The following ZNF420 variants were observed in gnomAD, a reference collection of about 807,000 sequenced individuals.
The protein encoded by ZNF420 is zinc finger protein 420.
ZNF420 carries 31 observed loss-of-function variants against 44.7 expected under a neutral mutation model. The ratio of observed to expected loss-of-function variants is 0.69; its 90% CI spans 0.52 to 0.94. The LOEUF (loss-of-function observed/expected upper bound fraction) is 0.94. Among genes scored for constraint, ZNF420 ranks in the 40% least tolerant of loss-of-function variants. The pLI, the probability that ZNF420 is intolerant of heterozygous loss-of-function variation, is 0.00. For missense variants in ZNF420, 681 were observed against 827.9 expected, an observed-to-expected ratio of 0.82 and a Z score of 2.18; for synonymous variants, 245 against 267.4, an observed-to-expected ratio of 0.92 and a Z score of 0.82.
At chr19:37,109,058 C>T (rs1970245489) in intron 4 of ZNF420, among the ~76,000 whole-genome samples, 2 of 152,174 alleles carry the variant, frequency 1.3e-5, no homozygotes, top group South Asian at 4.1e-4. Context: ...TGACATTCCG[C>T]TTACCATGTG....
At chr19:37,119,905 T>C (rs1970927869) in intron 4 of ZNF420, among the ~76,000 whole-genome samples, 1 of 152,034 alleles carries the variant, frequency 6.6e-6, no homozygotes, top group East Asian at 1.9e-4. Context: ...ACATACACCC[T>C]CCCAAGACTA....
chr19:37,063,165 T>C (rs1184064156), intron 1 of ZNF420, among the ~76,000 whole-genome samples: 2 of 152,228 alleles, frequency 1.3e-5, no homozygotes, highest in Non-Finnish European at 2.9e-5. Flanking sequence ...TTCTTGTTAC[T>C]GAACCATTTG....
chr19:37,026,050 C>T (rs1039956772), intron 1 of ZNF420, among the ~76,000 whole-genome samples: 17 of 152,098 alleles, frequency 1.1e-4, no homozygotes, highest in Non-Finnish European at 2.2e-4. Context: ...TGTAGTGGCT[C>T]ATGCCTGTAA....
At chr19:37,093,873 CACAG>C (rs1969293691) in intron 4 of ZNF420, among the ~76,000 whole-genome samples, 1 of 152,002 alleles carries the variant, frequency 6.6e-6, no homozygotes, top group African/African-American at 2.4e-5. Flanking sequence ...TGCTAATGAA[CACAG>C]ACAGCATTTC....
At chr19:37,107,495 A>G (rs1383700266) in intron 4 of ZNF420, 3 of 152,364 alleles carry the variant, frequency 2.0e-5, no homozygotes, top group African/African-American at 7.2e-5. Flanking sequence ...TTACAGATTA[A>G]CAGCATCTCA....
intron 1 of ZNF420, among the ~76,000 whole-genome samples, chr19:37,047,352 T>C (rs1044105809): frequency 3.3e-5 from 5 of 152,216 alleles, no homozygotes; most frequent in African/African-American, 9.6e-5. Context: ...CCTTCCTCCT[T>C]CTGCCATGTG....
At chr19:37,099,718 G>A (rs1016609251) in intron 4 of ZNF420, among the ~76,000 whole-genome samples, 1 of 152,140 alleles carries the variant, frequency 6.6e-6, no homozygotes, top group East Asian at 1.9e-4. Context: ...CCGCCTGCCA[G>A]GTTCAAGTGA....
chr19:37,084,400 C>T (rs1968642051), intron 2 of ZNF420, among the ~76,000 whole-genome samples: 1 of 151,958 alleles, frequency 6.6e-6, no homozygotes, highest in African/African-American at 2.4e-5. Flanking sequence ...AGAAAACATA[C>T]TTGTGGTTCC....
chr19:37,091,834 G>A (rs185414948), intron 4 of ZNF420: 2 of 150,990 alleles, frequency 1.3e-5, no homozygotes, highest in East Asian at 1.9e-4. Flanking sequence ...GATTGAGGGA[G>A]GAGAATTGCT....
At chr19:37,021,522 A>G (rs545821504) in intron 1 of ZNF420, among the ~76,000 whole-genome samples, 1 of 152,100 alleles carries the variant, frequency 6.6e-6, no homozygotes, top group Non-Finnish European at 1.5e-5. Context: ...CTGCCTCAGC[A>G]TCCCAAAGTG....
chr19:37,064,483 T>A (rs1193431525), intron 1 of ZNF420, among the ~76,000 whole-genome samples: 1 of 152,206 alleles, frequency 6.6e-6, no homozygotes, highest in Non-Finnish European at 1.5e-5. Flanking sequence ...TAAAAGATGT[T>A]CCAGGCTCAT....
intron 4 of ZNF420, among the ~76,000 whole-genome samples, chr19:37,125,026 C>T (rs562350949): frequency 3.3e-5 from 5 of 152,106 alleles, no homozygotes; most frequent in South Asian, 2.1e-4. Context: ...TTAGTAGAGA[C>T]GGGTTTTCAC....
intron 1 of ZNF420, among the ~76,000 whole-genome samples, chr19:37,030,307 G>A (rs927910514): frequency 7.9e-5 from 12 of 152,002 alleles, no homozygotes; most frequent in African/African-American, 2.4e-4. Flanking sequence ...GATTACAGGC[G>A]TGTGCCAACA....
chr19:37,121,996 C>T (rs1346974534), intron 4 of ZNF420, among the ~76,000 whole-genome samples: 2 of 152,202 alleles, frequency 1.3e-5, no homozygotes, highest in East Asian at 1.9e-4. Flanking sequence ...GAAATAGGAA[C>T]ACTTCTACAC....
At chr19:37,122,621 A>G (rs1346253416) in intron 4 of ZNF420, among the ~76,000 whole-genome samples, 1 of 147,912 alleles carries the variant, frequency 6.8e-6, no homozygotes, top group Non-Finnish European at 1.5e-5. Context: ...AATTTAAAAA[A>G]ACAACAACAC....
In ZNF420 at chr19:37,048,125, G is replaced by C. The variant is rs553734399; in HGVS notation, c.-124-32220G>C. Among the ~76,000 whole-genome samples the C allele has an allele frequency of 2.1e-5, 3 of 140,828 alleles. No individual in the cohort carries two copies. In the South Asian group the frequency reaches 6.7e-4, roughly 31 times the overall value. The allele number at this position is 140,828 out of a possible 152,430, so 92.4% of individuals were successfully genotyped here. On this transcript the variant is annotated intron_variant, in intron 1 of 4. Transcript: ENST00000587029. ...CTCAGGTGAAAGGCACTTTTATTGT[G>C]GGGACTTTCCCTTAGTGCTCTGTGG... is the stretch of plus-strand genomic sequence containing the variant.
chr19:37,116,849 CTGAT>C (rs1481996192), intron 4 of ZNF420, among the ~76,000 whole-genome samples: 6 of 152,196 alleles, frequency 3.9e-5, no homozygotes, highest in Non-Finnish European at 5.9e-5. Flanking sequence ...TGGAGTCTCA[CTGAT>C]TGATCTCAGA....
chr19:37,059,003 T>C (rs1176345060), intron 1 of ZNF420, among the ~76,000 whole-genome samples: 1 of 152,174 alleles, frequency 6.6e-6, no homozygotes, highest in Admixed American at 6.5e-5. Context: ...CAAGAGATCA[T>C]CCTGTGCTGC....
chr19:37,115,063 C>T (rs1438333315), intron 4 of ZNF420: 6 of 162,916 alleles, frequency 3.7e-5, no homozygotes, highest in African/African-American at 1.4e-4. Flanking sequence ...GTTACCCTGG[C>T]TTCTTCTGAG....
Sources: gnomAD v4.1 joint callset for allele counts (sites outside exome capture counted in the v4.1 genomes callset) on GRCh38, gnomAD v4.1.1 for gene constraint, MANE v1.5 for transcripts, NCBI Gene and HGNC (gene_info 2026-07-23, HGNC 2026-07-21) for gene names.